ADK: variants seen among roughly 807,000 people sequenced by gnomAD.
The protein encoded by ADK is N6,N6-dimethyladenosine kinase.
Under a neutral mutation model 44.7 loss-of-function variants are expected in ADK, and 24 were observed. That is an observed-to-expected ratio of 0.54 (90% CI 0.39 to 0.76). The LOEUF is 0.76. Among genes scored for constraint, ADK ranks in the 30% least tolerant of loss-of-function variants. The pLI, the probability that ADK is intolerant of heterozygous loss-of-function variation, is 0.00. For synonymous variants in ADK, 128 were observed against 142.6 expected, an observed-to-expected ratio of 0.90 and a Z score of 0.73; for missense variants, 321 against 425.1, an observed-to-expected ratio of 0.76 and a Z score of 2.15.
intron 3 of ADK, among the ~76,000 whole-genome samples, chr10:74,280,845 G>C (rs1374343642): frequency 6.6e-6 from 1 of 152,032 alleles, no homozygotes; most frequent in Non-Finnish European, 1.5e-5. Flanking sequence ...TAAGTCCTTT[G>C]GTTTTACTGA....
At chr10:74,583,033 T>G (rs923203328) in intron 7 of ADK, among the ~76,000 whole-genome samples, 4 of 152,184 alleles carry the variant, frequency 2.6e-5, no homozygotes, top group African/African-American at 9.6e-5. Flanking sequence ...ATGCATAAGT[T>G]AAAATAGTAT....
chr10:74,571,327 CT>C (rs1395135330), intron 7 of ADK, among the ~76,000 whole-genome samples: 1 of 152,200 alleles, frequency 6.6e-6, no homozygotes, highest in Admixed American at 6.5e-5. Flanking sequence ...AGGATTCCCT[CT>C]TTTTCTATTG....
At chr10:74,425,516 C>CAA (rs143289138) in intron 6 of ADK, among the ~76,000 whole-genome samples, 5 of 134,964 alleles carry the variant, frequency 3.7e-5, no homozygotes, top group East Asian at 2.1e-4. Context: ...CTGTCCAGGG[C>CAA]AAAAAAAAAA....
chr10:74,246,862 C>G (rs990210778), intron 3 of ADK, among the ~76,000 whole-genome samples: 4 of 152,006 alleles, frequency 2.6e-5, no homozygotes, highest in Admixed American at 2.6e-4. Flanking sequence ...CAGTGCTTCT[C>G]TTGTCACTAA....
intron 4 of ADK, among the ~76,000 whole-genome samples, chr10:74,336,436 G>GT (rs1358119308): frequency 2.0e-5 from 3 of 151,134 alleles, no homozygotes; most frequent in East Asian, 1.9e-4. Context: ...TAATGTGTTT[G>GT]TTTTTTTTGC....
chr10:74,520,701 T>G (rs1848784480), intron 6 of ADK, among the ~76,000 whole-genome samples: 1 of 152,042 alleles, frequency 6.6e-6, no homozygotes, highest in Non-Finnish European at 1.5e-5. Flanking sequence ...TTAGAGTGGT[T>G]GTGTAATGTG....
At chr10:74,160,103 C>G (rs1841849148) in intron 1 of ADK, among the ~76,000 whole-genome samples, 1 of 152,200 alleles carries the variant, frequency 6.6e-6, no homozygotes, top group Admixed American at 6.5e-5. Context: ...GTGTTACACA[C>G]TACCTTGAAC....
At chr10:74,194,713 C>T (rs940580760) in intron 1 of ADK, among the ~76,000 whole-genome samples, 47 of 152,072 alleles carry the variant, frequency 3.1e-4, no homozygotes, top group African/African-American at 1.1e-3. Context: ...AATCCAGGTA[C>T]AGGAAGCGTT....
intron 9 of ADK, 32 bp downstream of exon 9, chr10:74,600,525 A>G (rs1852083336): frequency 1.4e-6 from 2 of 1,425,718 alleles, no homozygotes; most frequent in African/African-American, 1.4e-5. Flanking sequence ...TGAATCTAGT[A>G]TTATGGAGAT....
intron 6 of ADK, among the ~76,000 whole-genome samples, chr10:74,424,219 T>TA (rs1192531165): frequency 1.3e-5 from 2 of 152,168 alleles, no homozygotes; most frequent in African/African-American, 4.8e-5. Context: ...GCAGAGACCA[T>TA]ATATGTACTT....
intron 2 of ADK, among the ~76,000 whole-genome samples, chr10:74,221,235 C>G (rs1844295671): frequency 1.3e-5 from 2 of 151,772 alleles, no homozygotes; most frequent in East Asian, 1.9e-4. Context: ...AACAGACAAA[C>G]AGAGAGCCAA....
At chr10:74,178,086 C>T (rs1328651063) in intron 1 of ADK, among the ~76,000 whole-genome samples, 4 of 151,806 alleles carry the variant, frequency 2.6e-5, no homozygotes, top group Admixed American at 1.3e-4. Flanking sequence ...GAATTATAGG[C>T]GCCAGCCACC....
At chr10:74,483,194 T>C (rs906728246) in intron 6 of ADK, among the ~76,000 whole-genome samples, 2 of 152,192 alleles carry the variant, frequency 1.3e-5, no homozygotes, top group African/African-American at 2.4e-5. Flanking sequence ...AAGCCTCATC[T>C]CTTGCCCTCT....
At chr10:74,666,482 C>T (rs1018857480) in intron 9 of ADK, among the ~76,000 whole-genome samples, 2 of 151,854 alleles carry the variant, frequency 1.3e-5, no homozygotes, top group Admixed American at 6.6e-5. Flanking sequence ...CCTTTTCCTT[C>T]TCACTTTACA....
At chr10:74,263,040 T>TA (rs968273712) in intron 3 of ADK, among the ~76,000 whole-genome samples, 11 of 152,210 alleles carry the variant, frequency 7.2e-5, no homozygotes, top group African/African-American at 2.7e-4. Flanking sequence ...ATTTAAAACA[T>TA]ATGTTATATT....
chr10:74,500,755 C>T (rs975932754), intron 6 of ADK, among the ~76,000 whole-genome samples: 1 of 152,084 alleles, frequency 6.6e-6, no homozygotes, highest in African/African-American at 2.4e-5. Context: ...TGTTTGCTAT[C>T]TAGTGTCAAG....
intron 5 of ADK, among the ~76,000 whole-genome samples, chr10:74,395,277 C>T (rs991701346): frequency 6.6e-6 from 1 of 152,048 alleles, no homozygotes; most frequent in Non-Finnish European, 1.5e-5. Context: ...TCCACCACGA[C>T]CTTGCTCCAT....
intron 3 of ADK, among the ~76,000 whole-genome samples, chr10:74,290,119 G>A (rs1346277899): frequency 7.0e-6 from 1 of 143,484 alleles, no homozygotes; most frequent in Non-Finnish European, 1.5e-5. Flanking sequence ...CACTCACATA[G>A]GGGTTCAATT....
intron 2 of ADK, among the ~76,000 whole-genome samples, chr10:74,209,734 T>C (rs1041384910): frequency 2.0e-5 from 3 of 152,016 alleles, no homozygotes; most frequent in Admixed American, 2.0e-4. Flanking sequence ...AAAAAAAGAA[T>C]TGAAAGTTAT....
Sources: gnomAD v4.1 joint callset for allele counts (sites outside exome capture counted in the v4.1 genomes callset) on GRCh38, gnomAD v4.1.1 for gene constraint, MANE v1.5 for transcripts, NCBI Gene and HGNC (gene_info 2026-07-23, HGNC 2026-07-21) for gene names.